Variants in SNTG1 observed in about 807,000 individuals in gnomAD.
SNTG1 encodes the protein gamma-1-syntrophin.
Under a neutral mutation model 74.7 loss-of-function variants are expected in SNTG1, and 39 were observed. The ratio of observed to expected loss-of-function variants is 0.52; its 90% CI spans 0.40 to 0.68. SNTG1 has a LOEUF of 0.68. Among genes scored for constraint, SNTG1 ranks in the 30% least tolerant of loss-of-function variants. SNTG1 has a pLI of 0.00. For missense variants in SNTG1, 685 were observed against 609.5 expected, an observed-to-expected ratio of 1.12 and a Z score of -1.30; for synonymous variants, 254 against 217.1, an observed-to-expected ratio of 1.17 and a Z score of -1.49.
At chr8:50,141,940 G>A (rs953097112) in intron 1 of SNTG1, among the ~76,000 whole-genome samples, 1 of 151,882 alleles carries the variant, frequency 6.6e-6, no homozygotes, top group Non-Finnish European at 1.5e-5. Flanking sequence ...CTTTACAATG[G>A]CATATAACTA....
At chr8:50,016,165 T>C (rs745754905) in intron 1 of SNTG1, among the ~76,000 whole-genome samples, 15 of 152,086 alleles carry the variant, frequency 9.9e-5, no homozygotes, top group Non-Finnish European at 1.0e-4. Context: ...AGTTTGGCCT[T>C]GGGGAGTGCT....
At chr8:50,575,492 C>T (rs914416547) in intron 12 of SNTG1, among the ~76,000 whole-genome samples, 3 of 152,168 alleles carry the variant, frequency 2.0e-5, no homozygotes, top group African/African-American at 7.2e-5. Flanking sequence ...CACCTCAGCT[C>T]CTTTTCTGTT....
chr8:50,482,946 A>G (rs2093753429), intron 8 of SNTG1, among the ~76,000 whole-genome samples: 1 of 152,186 alleles, frequency 6.6e-6, no homozygotes, highest in South Asian at 2.1e-4. Context: ...GATTTTTCTT[A>G]TTATTCAGAT....
chr8:50,063,264 T>C (rs1820628083), intron 1 of SNTG1, among the ~76,000 whole-genome samples: 1 of 152,242 alleles, frequency 6.6e-6, no homozygotes, highest in Admixed American at 6.5e-5. Flanking sequence ...GATGAATTCA[T>C]AGAAACAGGA....
At chr8:50,192,232 T>C (rs898473991) in intron 2 of SNTG1, among the ~76,000 whole-genome samples, 1 of 152,186 alleles carries the variant, frequency 6.6e-6, no homozygotes, top group Admixed American at 6.6e-5. Context: ...AGCAGCTTGG[T>C]ATTATCAGAT....
chr8:49,975,353 T>C (rs1018467867), intron 1 of SNTG1, among the ~76,000 whole-genome samples: 4 of 152,150 alleles, frequency 2.6e-5, no homozygotes, highest in African/African-American at 9.7e-5. Context: ...GAATACCCGA[T>C]TATCTTTGCC....
At chr8:50,007,431 G>T (rs1241233513) in intron 1 of SNTG1, among the ~76,000 whole-genome samples, 1 of 152,050 alleles carries the variant, frequency 6.6e-6, no homozygotes, top group African/African-American at 2.4e-5. Context: ...GTCTGGACTG[G>T]AAATCTCTTT....
intron 2 of SNTG1, among the ~76,000 whole-genome samples, chr8:50,259,953 G>A (rs553957635): frequency 2.6e-5 from 4 of 152,138 alleles, no homozygotes; most frequent in Non-Finnish European, 5.9e-5. Flanking sequence ...GTTCCAAGGA[G>A]TACCTGTCTT....
At chr8:50,713,638 C>T (rs1328934082) in intron 17 of SNTG1, among the ~76,000 whole-genome samples, 1 of 151,100 alleles carries the variant, frequency 6.6e-6, no homozygotes, top group Non-Finnish European at 1.5e-5. Flanking sequence ...GGTTTTCAGT[C>T]TTATATTTAA....
intron 1 of SNTG1, among the ~76,000 whole-genome samples, chr8:49,982,532 A>T (rs1480042990): frequency 6.8e-6 from 1 of 147,676 alleles, no homozygotes; most frequent in African/African-American, 2.5e-5. Flanking sequence ...AATGTGTGTG[A>T]GTTTATAAAT....
intron 1 of SNTG1, among the ~76,000 whole-genome samples, chr8:50,034,151 G>C (rs573060465): frequency 1.3e-5 from 2 of 152,118 alleles, no homozygotes; most frequent in African/African-American, 2.4e-5. Flanking sequence ...TCAGGATCTG[G>C]ACTTTGGAAA....
intron 17 of SNTG1, among the ~76,000 whole-genome samples, chr8:50,729,927 G>A (rs991773505): frequency 5.9e-5 from 9 of 152,062 alleles, no homozygotes; most frequent in East Asian, 5.8e-4. Context: ...AAGGCAAATC[G>A]GCAGCAGCAG....
chr8:50,104,948 G>A (rs1453242394), intron 1 of SNTG1, among the ~76,000 whole-genome samples: 2 of 151,940 alleles, frequency 1.3e-5, no homozygotes, highest in Non-Finnish European at 2.9e-5. Context: ...GACTGTTGTA[G>A]GATGCAGAAT....
At chr8:50,671,779 G>T (rs1371062018) in intron 15 of SNTG1, among the ~76,000 whole-genome samples, 3 of 151,882 alleles carry the variant, frequency 2.0e-5, no homozygotes, top group Admixed American at 6.6e-5. Context: ...CAATAGCAAA[G>T]ACTTGGAACC....
At chr8:50,722,081 A>G (rs1400818936) in intron 17 of SNTG1, among the ~76,000 whole-genome samples, 1 of 142,888 alleles carries the variant, frequency 7.0e-6, no homozygotes, top group East Asian at 2.2e-4. Context: ...TCAATTGCAC[A>G]TGGATTAATC....
At chr8:50,222,079 G>A (rs1232959344) in intron 2 of SNTG1, among the ~76,000 whole-genome samples, 1 of 152,152 alleles carries the variant, frequency 6.6e-6, no homozygotes, top group African/African-American at 2.4e-5. Flanking sequence ...CACAGGAGTG[G>A]TTGAGTGGAG....
At chr8:50,704,248 T>G (rs1286254272) in intron 15 of SNTG1, among the ~76,000 whole-genome samples, 1 of 152,204 alleles carries the variant, frequency 6.6e-6, no homozygotes, top group Non-Finnish European at 1.5e-5. Flanking sequence ...ATTATTTAAT[T>G]TCAACATCAT....
intron 1 of SNTG1, among the ~76,000 whole-genome samples, chr8:50,153,597 C>G (rs1018331589): frequency 6.6e-6 from 1 of 152,138 alleles, no homozygotes; most frequent in African/African-American, 2.4e-5. Flanking sequence ...GATGTCCTTT[C>G]TGTTTGTTAG....
intron 2 of SNTG1, among the ~76,000 whole-genome samples, chr8:50,264,406 A>C: frequency 6.6e-6 from 1 of 151,960 alleles, no homozygotes; most frequent in Admixed American, 6.6e-5. Context: ...CGTCTCTAAT[A>C]AAAATACAAA....
Sources: gnomAD v4.1 joint callset for allele counts (sites outside exome capture counted in the v4.1 genomes callset) on GRCh38, gnomAD v4.1.1 for gene constraint, MANE v1.5 for transcripts, NCBI Gene and HGNC (gene_info 2026-07-23, HGNC 2026-07-21) for gene names.